Variants in CAST observed in about 807,000 individuals in gnomAD.
CAST encodes MIR583 host.
A neutral mutation model predicts 119.6 loss-of-function variants in CAST; 76 were observed. The observed-to-expected ratio is 0.64, with a 90% confidence interval of 0.53 to 0.77. The LOEUF (loss-of-function observed/expected upper bound fraction) is 0.77. CAST is among the 30% of genes least tolerant of loss of function. The pLI is 0.00. For synonymous variants in CAST, 319 were observed against 331.6 expected (o/e 0.96, Z 0.41); for missense variants, 953 against 946.5 (o/e 1.01, Z -0.09).
the CAST span, among the ~76,000 whole-genome samples, chr5:96,150,353 G>A: frequency 6.6e-6 from 1 of 152,192 alleles, no homozygotes; most frequent in Non-Finnish European, 1.5e-5. Context: ...CGTTCTTGGA[G>A]GTTTCAGTGT....
At chr5:96,508,642 C>T in the CAST span, among the ~76,000 whole-genome samples, 4 of 152,040 alleles carry the variant, frequency 2.6e-5, no homozygotes, top group Non-Finnish European at 5.9e-5. Flanking sequence ...GTCTTATTGG[C>T]TAGTACAGGT....
chr5:96,600,030 A>G (rs1372356355), intron 1 of CAST, among the ~76,000 whole-genome samples: 1 of 149,412 alleles, frequency 6.7e-6, no homozygotes, highest in East Asian at 2.0e-4. Flanking sequence ...AGTGTTTTGT[A>G]TCATTTCTTC....
the CAST span, among the ~76,000 whole-genome samples, chr5:96,150,259 C>T: frequency 6.6e-6 from 1 of 152,182 alleles, no homozygotes; most frequent in Admixed American, 6.5e-5. Context: ...ACTACCTCTG[C>T]AGGACTGGTG....
chr5:96,021,280 G>A, the CAST span, among the ~76,000 whole-genome samples: 2 of 152,030 alleles, frequency 1.3e-5, no homozygotes, highest in Non-Finnish European at 2.9e-5. Context: ...AAAATTAGCT[G>A]ACTTAATAGA....
intron 1 of CAST, among the ~76,000 whole-genome samples, chr5:96,614,742 T>C (rs1175640497): frequency 6.6e-6 from 1 of 152,130 alleles, no homozygotes; most frequent in Non-Finnish European, 1.5e-5. Flanking sequence ...AGTGCTTTTT[T>C]TCTTTTTAAA....
the CAST span, among the ~76,000 whole-genome samples, chr5:96,410,473 C>A: frequency 1.3e-5 from 2 of 151,906 alleles, no homozygotes; most frequent in African/African-American, 2.4e-5. Flanking sequence ...TCCAGGGAGG[C>A]ATCAGACAAG....
chr5:96,464,353 G>C, the CAST span, among the ~76,000 whole-genome samples: 7 of 151,978 alleles, frequency 4.6e-5, no homozygotes, highest in Non-Finnish European at 8.8e-5. Flanking sequence ...TTTACTGTCT[G>C]TGACATATTG....
intron 1 of CAST, among the ~76,000 whole-genome samples, chr5:96,549,558 C>G (rs878998834): frequency 2.0e-5 from 3 of 152,136 alleles, no homozygotes; most frequent in Admixed American, 2.0e-4. Flanking sequence ...TGGGTGAAGC[C>G]CATGGTGGGC....
the CAST span, among the ~76,000 whole-genome samples, chr5:96,330,174 G>C: frequency 6.6e-6 from 1 of 152,238 alleles, no homozygotes; most frequent in Admixed American, 6.5e-5. Flanking sequence ...GCTGATATTT[G>C]ACCATTTTTT....
chr5:96,393,305 C>A, the CAST span: 17 of 1,614,048 alleles, frequency 1.1e-5, no homozygotes, highest in Admixed American at 1.7e-5. Context: ...ATCCCTCCGG[C>A]CCCCTACGCT....
the CAST span, among the ~76,000 whole-genome samples, chr5:96,041,962 G>A: frequency 6.6e-6 from 1 of 152,188 alleles, no homozygotes; most frequent in Admixed American, 6.5e-5. Context: ...TTTGCCACAC[G>A]ATAGTTTCAG....
chr5:96,543,364 A>T (rs935173436), intron 1 of CAST, among the ~76,000 whole-genome samples: 5 of 152,086 alleles, frequency 3.3e-5, no homozygotes, highest in Non-Finnish European at 7.3e-5. Context: ...GGGGAACATC[A>T]CACACTGGGG....
At chr5:96,663,444 C>T (rs537700479) in intron 1 of CAST, among the ~76,000 whole-genome samples, 19 of 152,360 alleles carry the variant, frequency 1.2e-4, no homozygotes, top group African/African-American at 4.3e-4. Flanking sequence ...CTGGCGCTCA[C>T]AAGTGGGATG....
intron 1 of CAST, among the ~76,000 whole-genome samples, chr5:96,534,805 A>AAAGAAAG (rs1561409073): frequency 5.6e-5 from 6 of 106,552 alleles, no homozygotes; most frequent in Admixed American, 8.8e-5. Flanking sequence ...AAGAAAGAAG[A>AAAGAAAG]AAGAAAGAAA....
chr5:96,095,556 CAAAAAAAAAAAAAAA>C, the CAST span, among the ~76,000 whole-genome samples: 15 of 57,514 alleles, frequency 2.6e-4, no homozygotes, highest in South Asian at 2.0e-3. Context: ...GACTCTGTTT[CAAAAAAAAAAAAAAA>C]AAAAAAAAAA....
intron 3 of CAST, among the ~76,000 whole-genome samples, chr5:96,706,765 G>T (rs965175770): frequency 3.9e-5 from 6 of 152,196 alleles, no homozygotes; most frequent in South Asian, 2.1e-4. Context: ...ACCTTTGCAT[G>T]TGCTGTTTTG....
the CAST span, among the ~76,000 whole-genome samples, chr5:96,085,604 A>C: frequency 1.3e-5 from 2 of 152,358 alleles, no homozygotes; most frequent in East Asian, 1.9e-4. Flanking sequence ...TGAGGAACAA[A>C]TAAACTGTCA....
At chr5:96,561,938 G>T (rs1188637560) in intron 1 of CAST, among the ~76,000 whole-genome samples, 1 of 146,448 alleles carries the variant, frequency 6.8e-6, no homozygotes, top group African/African-American at 2.5e-5. Context: ...GACTACAGAC[G>T]CCCGCTACCA....
the CAST span, among the ~76,000 whole-genome samples, chr5:96,479,418 T>C: frequency 3.3e-5 from 5 of 151,884 alleles, no homozygotes; most frequent in East Asian, 5.8e-4. Flanking sequence ...TCAAAAAATA[T>C]CTAGTGAGTA....
Sources: allele counts gnomAD v4.1 joint callset (sites outside exome capture counted in the v4.1 genomes callset), GRCh38; gene constraint gnomAD v4.1.1; transcripts MANE v1.5; gene names NCBI Gene and HGNC (gene_info 2026-07-23, HGNC 2026-07-21).